Variants in SCAPER observed in about 807,000 individuals in gnomAD.
The protein encoded by SCAPER is S phase cyclin A-associated protein in the endoplasmic reticulum.
In SCAPER, 98 loss-of-function variants were observed where a neutral mutation model predicts 182.2. The observed-to-expected ratio is 0.54, with a 90% CI of 0.46 to 0.64. The LOEUF is 0.64. Ranked by LOEUF, SCAPER falls within the 30% of genes least tolerant of loss-of-function variation. The probability of loss-of-function intolerance (pLI) is 0.00; values close to 1 mark genes in which losing one functional copy is unlikely to be tolerated. For synonymous variants in SCAPER, 605 were observed against 564.6 expected (o/e 1.07, Z -1.01); for missense variants, 1,432 against 1,690.0 (o/e 0.85, Z 2.68).
At position 76,841,715 on chromosome 15, in the gene SCAPER, G is replaced by T. The variant is rs762985790; in HGVS notation, c.393+19C>A. The T allele has an allele frequency of 2.5e-6, 4 of 1,610,572 alleles. No homozygotes were observed. The highest frequency in any genetic ancestry group is 2.5e-6 in the Non-Finnish European group (3 of 1,177,708). ...AATCTGAGTTCAAATGGATTACAAGGCCTCAAAGCAAACCTTACCTTACAT... is the reference window on the plus strand; with the variant it reads ...AATCTGAGTTCAAATGGATTACAAGTCCTCAAAGCAAACCTTACCTTACAT... On this transcript the variant is annotated intron_variant, in intron 5 of 31. Coordinates refer to ENST00000563290, the MANE Select transcript of SCAPER (RefSeq NM_020843.4).
At chr15:76,627,218 CTTGTT>C (rs1431308944) in intron 21 of SCAPER, among the ~76,000 whole-genome samples, 4 of 121,702 alleles carry the variant, frequency 3.3e-5, no homozygotes, top group African/African-American at 8.0e-5. Context: ...AACAAATCTT[CTTGTT>C]TTATTAAAAA....
At chr15:76,590,198 C>A (rs2049001721) in intron 22 of SCAPER, among the ~76,000 whole-genome samples, 1 of 152,156 alleles carries the variant, frequency 6.6e-6, no homozygotes, top group South Asian at 2.1e-4. Flanking sequence ...TTTAGTCCCG[C>A]CTCCTATCTG....
intron 26 of SCAPER, among the ~76,000 whole-genome samples, chr15:76,429,961 G>C (rs1213794128): frequency 2.0e-5 from 3 of 152,118 alleles, no homozygotes; most frequent in Non-Finnish European, 2.9e-5. Flanking sequence ...CAGGCTCAGG[G>C]CTCCCCTGCT....
rs112763535 is a variant in SCAPER at position 76,543,470 on chromosome 15, G to A, written c.2838+30688C>T. ...GAGAAAGATTTTAAGTGTACACTCC[G>A]TGGTTTCAAACTGCTGGGCATAGCA... On this transcript the variant is annotated intron_variant, in intron 23 of 31. Coordinates refer to ENST00000563290, the MANE Select transcript of SCAPER (RefSeq NM_020843.4). Among the ~76,000 whole-genome samples, 680 of 152,258 alleles carry A rather than the reference G, an allele frequency of 4.5e-3. 8 individuals carry two copies. The highest frequency in any genetic ancestry group is 0.016 in the African/African-American group (648 of 41,538).
At chr15:76,635,815 C>G (rs1463613896) in intron 21 of SCAPER, among the ~76,000 whole-genome samples, 1 of 152,186 alleles carries the variant, frequency 6.6e-6, no homozygotes, top group African/African-American at 2.4e-5. Context: ...CTGAGTTGAT[C>G]ATGGTTTATG....
chr15:76,807,843 T>C (rs994057913), intron 5 of SCAPER, among the ~76,000 whole-genome samples: 2 of 152,158 alleles, frequency 1.3e-5, no homozygotes, highest in Non-Finnish European at 1.5e-5. Flanking sequence ...TAAAGCTATG[T>C]AGGTTTTCAA....
chr15:76,711,542 G>T (rs886154118), intron 17 of SCAPER, among the ~76,000 whole-genome samples: 4 of 152,196 alleles, frequency 2.6e-5, no homozygotes, highest in Admixed American at 6.5e-5. Flanking sequence ...GTCAAGGGTT[G>T]TGAAGGAACT....
intron 17 of SCAPER, among the ~76,000 whole-genome samples, chr15:76,716,070 A>T (rs79707876): frequency 0.016 from 2,366 of 152,226 alleles, 61 homozygotes; most frequent in African/African-American, 0.055. Flanking sequence ...CCCCTCAATG[A>T]AGATTCCCTA....
rs139306721 is a variant in SCAPER, at chr15:76,814,054, C to T, written c.394-9421G>A. Among the ~76,000 whole-genome samples the T allele has an allele frequency of 3.5e-3, 529 of 152,092 alleles. 5 individuals are homozygous for T. Among genetic ancestry groups the T allele is most frequent in the African/African-American group, 0.012 (491 of 41,482 alleles). ...ATGGTGGCAGGTGCCTATAATCCCA[C>T]ATACCCGGGAGGCTGAGGCAGAAGA... On this transcript the variant is annotated intron_variant, in intron 5 of 31. Coordinates refer to ENST00000563290, the MANE Select transcript of SCAPER (RefSeq NM_020843.4).
chr15:76,494,645 A>C (rs76444237), intron 24 of SCAPER, among the ~76,000 whole-genome samples: 317 of 152,306 alleles, frequency 2.1e-3, no homozygotes, highest in African/African-American at 7.5e-3. Context: ...TAAGAGATCC[A>C]ACCAAGAACG....
chr15:76,489,889 TG>T, intron 24 of SCAPER, among the ~76,000 whole-genome samples: 1 of 152,234 alleles, frequency 6.6e-6, no homozygotes, highest in South Asian at 2.1e-4. Flanking sequence ...AACAAAATCA[TG>T]GAGTATTTGT....
chr15:76,640,725 G>A (rs2054033387), intron 21 of SCAPER, among the ~76,000 whole-genome samples: 1 of 152,222 alleles, frequency 6.6e-6, no homozygotes, highest in African/African-American at 2.4e-5. Context: ...GATGTAGGGA[G>A]ACCCCCTGAA....
intron 26 of SCAPER, among the ~76,000 whole-genome samples, chr15:76,426,089 CT>C (rs1341780606): frequency 6.6e-6 from 1 of 152,134 alleles, no homozygotes; most frequent in African/African-American, 2.4e-5. Flanking sequence ...CAGTCTGTCC[CT>C]TCTCAGATCT....
At chr15:76,549,386 A>G (rs982166029) in intron 23 of SCAPER, among the ~76,000 whole-genome samples, 5 of 152,238 alleles carry the variant, frequency 3.3e-5, no homozygotes, top group Non-Finnish European at 1.5e-5. Flanking sequence ...GACCTGATTA[A>G]GAAAATATGC....
intron 5 of SCAPER, among the ~76,000 whole-genome samples, chr15:76,810,861 G>C (rs1177826290): frequency 6.6e-6 from 1 of 151,932 alleles, no homozygotes; most frequent in Non-Finnish European, 1.5e-5. Flanking sequence ...TAAGCAAATG[G>C]AAACCAAAAG....
At position 76,495,239 on chromosome 15, in the gene SCAPER, C is replaced by T. The variant is rs189076768; in HGVS notation, c.2954+9620G>A. ...ACACTGGTAAAACAACAACCCAATC[C>T]GGAATGAAGTTTTGCATTTCTCACT... On this transcript the variant is annotated intron_variant, in intron 24 of 31. Transcript: ENST00000563290. 2.5e-4 allele frequency among the ~76,000 whole-genome samples: 38 copies of T among 151,972 alleles called. No homozygotes were observed. In the East Asian group the frequency reaches 6.0e-3, roughly 24 times the overall value.
chr15:76,857,955 G>C (rs957308522), intron 3 of SCAPER, 76 bp from the exon 4 acceptor site: 12 of 1,048,886 alleles, frequency 1.1e-5, no homozygotes, highest in Non-Finnish European at 1.7e-5. Flanking sequence ...CAGGTAATTA[G>C]ATAATGTAAA....
chr15:76,648,852 C>T (rs1484267426), intron 21 of SCAPER, among the ~76,000 whole-genome samples: 1 of 152,202 alleles, frequency 6.6e-6, no homozygotes, highest in African/African-American at 2.4e-5. Flanking sequence ...GTTCCCTCTT[C>T]CCTTTTCTTT....
chr15:76,863,050 T>A (rs373241561), intron 2 of SCAPER, among the ~76,000 whole-genome samples: 2 of 152,310 alleles, frequency 1.3e-5, no homozygotes, highest in East Asian at 3.9e-4. Context: ...AAATTTAAAT[T>A]GCAATTTTTA....
Sources: gnomAD v4.1 joint callset for allele counts (sites outside exome capture counted in the v4.1 genomes callset) on GRCh38, gnomAD v4.1.1 for gene constraint, MANE v1.5 for transcripts, NCBI Gene and HGNC (gene_info 2026-07-23, HGNC 2026-07-21) for gene names.